NTRK2: variants seen among roughly 807,000 people sequenced by gnomAD.
NTRK2 encodes the protein neurotrophic receptor tyrosine kinase 2.
Under a neutral mutation model 94.5 loss-of-function variants are expected in NTRK2, and 13 were observed. That is an observed-to-expected ratio of 0.14 (90% CI 0.09 to 0.22). The LOEUF is 0.22. Ranked by LOEUF, NTRK2 falls within the 10% of genes least tolerant of loss-of-function variation. The pLI is 1.00. For synonymous variants in NTRK2, 372 were observed against 407.4 expected, an observed-to-expected ratio of 0.91 and a Z score of 1.05; for missense variants, 639 against 1,071.2, an observed-to-expected ratio of 0.60 and a Z score of 5.63.
intron 17 of NTRK2, among the ~76,000 whole-genome samples, chr9:84,993,633 T>G (rs927754847): frequency 6.6e-6 from 1 of 152,152 alleles, no homozygotes; most frequent in African/African-American, 2.4e-5. Context: ...TCTTCTATGT[T>G]TTCTCATTGC....
At chr9:84,875,979 G>A in intron 14 of NTRK2, 2 of 1,037,492 alleles carry the variant, frequency 1.9e-6, no homozygotes, top group South Asian at 9.2e-5. Flanking sequence ...AAAGGCAGGG[G>A]GGAATCCCAG....
intron 4 of NTRK2, among the ~76,000 whole-genome samples, chr9:84,705,782 CTTTTTTTT>C (rs36124860): frequency 1.8e-5 from 2 of 109,620 alleles, no homozygotes; most frequent in African/African-American, 7.0e-5. Context: ...GAAACCCATT[CTTTTTTTT>C]TTTTTTTTTT....
chr9:84,892,812 C>T (rs1207781152), intron 14 of NTRK2, among the ~76,000 whole-genome samples: 1 of 152,082 alleles, frequency 6.6e-6, no homozygotes, highest in African/African-American at 2.4e-5. Flanking sequence ...ATCCCAGCTA[C>T]TCGGGAGGTT....
intron 14 of NTRK2, among the ~76,000 whole-genome samples, chr9:84,916,049 A>AT (rs1228529341): frequency 2.0e-5 from 3 of 152,074 alleles, no homozygotes; most frequent in Non-Finnish European, 4.4e-5. Context: ...AAAATCTGGC[A>AT]TTTGAAATCT....
At chr9:84,806,976 A>G (rs189491004) in intron 12 of NTRK2, among the ~76,000 whole-genome samples, 2 of 152,378 alleles carry the variant, frequency 1.3e-5, no homozygotes, top group East Asian at 3.9e-4. Context: ...CCACCAGATC[A>G]TCTCCAATGG....
At chr9:84,913,600 T>G (rs1378893469) in intron 14 of NTRK2, among the ~76,000 whole-genome samples, 3 of 152,162 alleles carry the variant, frequency 2.0e-5, no homozygotes, top group Non-Finnish European at 4.4e-5. Context: ...TTGAATAAGG[T>G]GTGGTACTTT....
chr9:84,670,144 A>C, intron 1 of NTRK2, among the ~76,000 whole-genome samples: 1 of 150,334 alleles, frequency 6.7e-6, no homozygotes, highest in African/African-American at 2.5e-5. Context: ...CCCTTTCCCT[A>C]CCTCCCCTCC....
chr9:84,701,628 A>G (rs1368702048), intron 2 of NTRK2, among the ~76,000 whole-genome samples: 1 of 152,192 alleles, frequency 6.6e-6, no homozygotes, highest in Non-Finnish European at 1.5e-5. Flanking sequence ...TGTTACTGAC[A>G]AAGGCAGAAG....
chr9:84,896,760 C>A (rs761040553), intron 14 of NTRK2, among the ~76,000 whole-genome samples: 1 of 152,144 alleles, frequency 6.6e-6, no homozygotes, highest in Non-Finnish European at 1.5e-5. Context: ...ATTCTAAAGC[C>A]CTGTCAGGAC....
intron 12 of NTRK2, among the ~76,000 whole-genome samples, chr9:84,762,286 A>G (rs536604492): frequency 3.3e-5 from 5 of 152,326 alleles, no homozygotes; most frequent in South Asian, 2.1e-4. Flanking sequence ...TGCCTTAGCC[A>G]TCTCTTCCTG....
intron 9 of NTRK2, among the ~76,000 whole-genome samples, chr9:84,738,399 A>G (rs914436143): frequency 7.4e-5 from 11 of 147,970 alleles, no homozygotes; most frequent in Admixed American, 3.3e-4. Context: ...ACTTTAGCAT[A>G]TAACAGTGTG....
chr9:84,719,972 A>G (rs1245399570), intron 6 of NTRK2, among the ~76,000 whole-genome samples: 5 of 142,926 alleles, frequency 3.5e-5, no homozygotes, highest in African/African-American at 5.2e-5. Context: ...GTGAGCAGAG[A>G]TTGTGCCACT....
At chr9:84,883,375 G>T (rs1409263645) in intron 14 of NTRK2, among the ~76,000 whole-genome samples, 3 of 152,162 alleles carry the variant, frequency 2.0e-5, no homozygotes, top group African/African-American at 4.8e-5. Flanking sequence ...TACCCTTCCT[G>T]GTTGCAGTAC....
At chr9:84,831,425 A>G (rs2073538234) in intron 12 of NTRK2, among the ~76,000 whole-genome samples, 2 of 151,918 alleles carry the variant, frequency 1.3e-5, no homozygotes, top group African/African-American at 4.8e-5. Flanking sequence ...AGGGAAAGGG[A>G]GAGAGAGAGA....
At chr9:84,850,019 A>G (rs1367089125) in intron 12 of NTRK2, among the ~76,000 whole-genome samples, 2 of 152,242 alleles carry the variant, frequency 1.3e-5, no homozygotes. Flanking sequence ...ATAAGATTAC[A>G]TAAATAATGA....
rs556374513 is a variant in NTRK2 at position 84,963,251 on chromosome 9, T to G, written c.2172+7734T>G. On this transcript the variant is annotated intron_variant, in intron 17 of 18. Coordinates refer to ENST00000277120, the MANE Select transcript of NTRK2 (RefSeq NM_006180.6). ...TCATTGGCCAGAGGTGGGTCAAGAC[T>G]AAGGGCTGAGCTCACTCGCCAGAGA... Among the ~76,000 whole-genome samples, 5 of 152,330 alleles carry G rather than the reference T, an allele frequency of 3.3e-5. No individual in the cohort carries two copies. The South Asian group carries it at 1.0e-3, about 32-fold the overall frequency.
intron 9 of NTRK2, among the ~76,000 whole-genome samples, chr9:84,736,954 A>G (rs933970275): frequency 2.0e-5 from 3 of 152,228 alleles, no homozygotes; most frequent in African/African-American, 7.2e-5. Flanking sequence ...TGATCCCCCC[A>G]TGAGTGAGAA....
chr9:84,962,113 G>A (rs1825011113), intron 17 of NTRK2, among the ~76,000 whole-genome samples: 1 of 151,740 alleles, frequency 6.6e-6, no homozygotes, highest in Admixed American at 6.6e-5. Flanking sequence ...GCCACTGAGA[G>A]ATTCTACACT....
intron 14 of NTRK2, chr9:84,876,673 T>G: frequency 9.4e-7 from 1 of 1,059,620 alleles, no homozygotes; most frequent in Middle Eastern, 4.2e-4. Flanking sequence ...CCATATGTAT[T>G]AGGGTTCAGG....
Sources: allele counts gnomAD v4.1 joint callset (sites outside exome capture counted in the v4.1 genomes callset), GRCh38; gene constraint gnomAD v4.1.1; transcripts MANE v1.5; gene names NCBI Gene and HGNC (gene_info 2026-07-23, HGNC 2026-07-21).